CD84: variants seen among roughly 807,000 people sequenced by gnomAD.
CD84 encodes the protein SLAM family member 5.
In CD84, 22 loss-of-function variants were observed where a neutral mutation model predicts 33.8. The observed-to-expected ratio is 0.65, with a 90% CI of 0.46 to 0.93. CD84 has a LOEUF of 0.93. Among genes scored for constraint, CD84 ranks in the 40% least tolerant of loss-of-function variants. CD84 has a pLI of 0.00. For missense variants in CD84, 400 were observed against 397.6 expected (o/e 1.01, Z -0.05); for synonymous variants, 154 against 145.2 (o/e 1.06, Z -0.44).
At chr1:160,553,660 G>T in intron 3 of CD84, 163 bp from the exon 4 acceptor site, 1 of 997,242 alleles carries the variant, frequency 1.0e-6, no homozygotes, top group Non-Finnish European at 1.5e-6. Flanking sequence ...GCCAGGATGA[G>T]AAATTGAATC....
intron 4 of CD84, among the ~76,000 whole-genome samples, chr1:160,552,498 A>G: frequency 6.6e-6 from 1 of 152,368 alleles, no homozygotes; most frequent in East Asian, 1.9e-4. Context: ...TAATAAGTAT[A>G]TACAGCACAC....
intron 5 of CD84, among the ~76,000 whole-genome samples, chr1:160,550,296 TGCCC>T (rs1656117735): frequency 6.6e-6 from 1 of 152,094 alleles, no homozygotes; most frequent in Non-Finnish European, 1.5e-5. Flanking sequence ...TGGATCCAGC[TGCCC>T]TATCAGTCCA....
At chr1:160,551,061 A>G (rs756156583) in intron 4 of CD84, 26 bp from the exon 5 acceptor site, 2 of 1,548,378 alleles carry the variant, frequency 1.3e-6, no homozygotes, top group African/African-American at 2.7e-5. Flanking sequence ...ATATAGACCC[A>G]CAGTCTGTGA....
At chr1:160,574,708 A>T (rs1297766708) in intron 1 of CD84, among the ~76,000 whole-genome samples, 1 of 152,162 alleles carries the variant, frequency 6.6e-6, no homozygotes, top group Admixed American at 6.6e-5. Context: ...GGGACTGGCC[A>T]TGAACCCCAG....
chr1:160,570,783 G>A (rs1657645118), intron 1 of CD84, among the ~76,000 whole-genome samples: 1 of 152,174 alleles, frequency 6.6e-6, no homozygotes, highest in South Asian at 2.1e-4. Flanking sequence ...GATCACCTGA[G>A]CCCAAGGGGG....
At chr1:160,555,389 A>G (rs1160985935) in intron 2 of CD84, among the ~76,000 whole-genome samples, 1 of 152,104 alleles carries the variant, frequency 6.6e-6, no homozygotes, top group Admixed American at 6.5e-5. Context: ...AGCCAAAATA[A>G]TCTTTAAAAT....
intron 2 of CD84, among the ~76,000 whole-genome samples, chr1:160,564,598 A>T (rs79908945): frequency 0.02 from 3,102 of 152,338 alleles, 106 homozygotes; most frequent in African/African-American, 0.071. Context: ...ATAAACTATT[A>T]GTACACACAA....
At position 160,548,177 on chromosome 1, in the gene CD84, G is replaced by C; in HGVS notation, c.*79C>G. 1 of 1,460,404 alleles carries C rather than the reference G, an allele frequency of 6.8e-7. No individual in the cohort carries two copies. Among genetic ancestry groups the C allele is most frequent in the East Asian group, 2.3e-5 (1 of 43,918 alleles). 90.5% of individuals were successfully genotyped at this position (1,460,404 alleles called of 1,614,324 possible). On this transcript the variant is annotated 3_prime_UTR_variant, in exon 7 of 7. Transcript: ENST00000368054. Reference sequence around the variant, plus strand: ...GCAATCTCCCAGTAAGAGTTGGGCAGAGAAGATCTGGATCCAGGGAACCTG... The same window carrying C: ...GCAATCTCCCAGTAAGAGTTGGGCACAGAAGATCTGGATCCAGGGAACCTG...
At chr1:160,559,820 A>G (rs6686794) in intron 2 of CD84, among the ~76,000 whole-genome samples, 7,568 of 152,146 alleles carry the variant, frequency 0.05, 640 homozygotes, top group African/African-American at 0.17. Context: ...AAAAAAGCAG[A>G]AGTTACAATC....
intron 1 of CD84, among the ~76,000 whole-genome samples, chr1:160,567,216 C>A (rs182601135): frequency 3.3e-5 from 5 of 152,082 alleles, no homozygotes; most frequent in Non-Finnish European, 7.4e-5. Flanking sequence ...GCTTGGTATA[C>A]GGAAGAATAA....
intron 4 of CD84, chr1:160,553,037 TG>T: frequency 1.8e-6 from 1 of 562,004 alleles, no homozygotes; most frequent in South Asian, 2.1e-5. Flanking sequence ...GAAGTGACCC[TG>T]GAGATCCTCT....
At chr1:160,567,994 G>A (rs1318372) in intron 1 of CD84, among the ~76,000 whole-genome samples, 7,580 of 152,050 alleles carry the variant, frequency 0.05, 643 homozygotes, top group African/African-American at 0.17. Context: ...CTCCATTTTC[G>A]TTTTGCACTG....
chr1:160,556,936 G>C (rs1402068158), intron 2 of CD84, among the ~76,000 whole-genome samples: 1 of 152,110 alleles, frequency 6.6e-6, no homozygotes, highest in Non-Finnish European at 1.5e-5. Flanking sequence ...TTTTCTAAAG[G>C]GTTGACATTT....
At chr1:160,570,211 ACTCATAAAGTTTAT>A (rs1320989499) in intron 1 of CD84, among the ~76,000 whole-genome samples, 2 of 152,110 alleles carry the variant, frequency 1.3e-5, no homozygotes, top group Non-Finnish European at 2.9e-5. Context: ...TCATTGAAAA[ACTCATAAAGTTTAT>A]GATGGAAAGA....
chr1:160,548,511 C>G (rs1014495358), intron 6 of CD84, among the ~76,000 whole-genome samples, 190 bp from the exon 7 acceptor site: 1 of 152,134 alleles, frequency 6.6e-6, no homozygotes, highest in Non-Finnish European at 1.5e-5. Context: ...CAGCTACCCC[C>G]CATTTGGGAG....
intron 4 of CD84, chr1:160,552,710 T>A: frequency 1.3e-6 from 2 of 1,547,536 alleles, no homozygotes; most frequent in Non-Finnish European, 1.7e-6. Flanking sequence ...CTTACAAGGG[T>A]TCTTAGTGAA....
chr1:160,562,822 T>C (rs1657073555), intron 2 of CD84, among the ~76,000 whole-genome samples: 1 of 151,702 alleles, frequency 6.6e-6, no homozygotes, highest in Non-Finnish European at 1.5e-5. Context: ...AGTCTATCCA[T>C]CTGACAAAGG....
chr1:160,553,762 G>A (rs2102140616), intron 3 of CD84, 133 bp downstream of exon 3: 2 of 1,392,266 alleles, frequency 1.4e-6, no homozygotes, highest in East Asian at 4.9e-5. Flanking sequence ...CTTCTTGGGA[G>A]GTGATGCCCT....
chr1:160,567,685 CA>C (rs759718512), intron 1 of CD84, among the ~76,000 whole-genome samples: 1 of 152,088 alleles, frequency 6.6e-6, no homozygotes, highest in Non-Finnish European at 1.5e-5. Flanking sequence ...ATGGTAAAAG[CA>C]ATAGAAATAA....
Sources: allele counts gnomAD v4.1 joint callset (sites outside exome capture counted in the v4.1 genomes callset), GRCh38; gene constraint gnomAD v4.1.1; transcripts MANE v1.5; gene names NCBI Gene and HGNC (gene_info 2026-07-23, HGNC 2026-07-21).